The following CORO2B variants were observed in gnomAD, a reference collection of about 807,000 sequenced individuals.
The protein encoded by CORO2B is coronin 2B, also known as coronin-2B.
Under a neutral mutation model 58.8 loss-of-function variants are expected in CORO2B, and 26 were observed. That is an observed-to-expected ratio of 0.44 (90% CI 0.32 to 0.61). CORO2B has a LOEUF of 0.61. Ranked by LOEUF, CORO2B falls within the 20% of genes least tolerant of loss-of-function variation. The pLI, the probability that CORO2B is intolerant of heterozygous loss-of-function variation, is 0.04. For missense variants in CORO2B, 460 were observed against 645.1 expected (o/e 0.71, Z 3.11); for synonymous variants, 242 against 253.8 (o/e 0.95, Z 0.44).
intron 1 of CORO2B, among the ~76,000 whole-genome samples, chr15:68,583,554 G>A (rs1009821322): frequency 2.6e-5 from 4 of 152,166 alleles, no homozygotes; most frequent in African/African-American, 9.7e-5. Flanking sequence ...TCCCTCTGTG[G>A]GACACCATCT....
At chr15:68,607,991 G>T (rs944550475) in intron 1 of CORO2B, among the ~76,000 whole-genome samples, 5 of 152,230 alleles carry the variant, frequency 3.3e-5, no homozygotes, top group Non-Finnish European at 5.9e-5. Flanking sequence ...CAGGGCCTTG[G>T]GAGTGAATGG....
chr15:68,683,424 G>A (rs965634802), intron 2 of CORO2B, among the ~76,000 whole-genome samples: 7 of 152,190 alleles, frequency 4.6e-5, no homozygotes, highest in Admixed American at 1.3e-4. Context: ...TGACAGCCTC[G>A]AGATGGTGCA....
In CORO2B at chr15:68,579,118, C is replaced by G; in HGVS notation, c.-145C>G. 1 of 982,344 alleles carries G rather than the reference C, an allele frequency of 1.0e-6. No homozygotes were observed. Among genetic ancestry groups the G allele is most frequent in the Non-Finnish European group, 1.2e-6 (1 of 828,714 alleles). The allele number at this position is 982,344 out of a possible 1,614,324, so 60.9% of individuals were successfully genotyped here. On this transcript the variant is annotated 5_prime_UTR_variant, in exon 1 of 12. Transcript: ENST00000261861. ...GTCCCTGCGCGCTGCCCGCCCGGAG[C>G]GCAGCCCCCAGGCTCGGCCGAGCCG... is the stretch of plus-strand genomic sequence containing the variant.
chr15:68,588,812 G>A (rs1472701856), intron 1 of CORO2B, among the ~76,000 whole-genome samples: 2 of 150,902 alleles, frequency 1.3e-5, no homozygotes, highest in African/African-American at 4.9e-5. Flanking sequence ...TGGTGGAAGG[G>A]GACAAAGGGA....
chr15:68,610,207 A>G (rs1300029781), intron 1 of CORO2B, among the ~76,000 whole-genome samples: 1 of 152,120 alleles, frequency 6.6e-6, no homozygotes, highest in African/African-American at 2.4e-5. Context: ...AGCCCTCACT[A>G]AATGTCAATG....
intron 1 of CORO2B, among the ~76,000 whole-genome samples, chr15:68,633,800 C>G (rs750193586): frequency 2.0e-5 from 3 of 152,224 alleles, no homozygotes; most frequent in Non-Finnish European, 4.4e-5. Flanking sequence ...CTCTTCCATG[C>G]CATCCCCTGG....
chr15:68,538,097 T>C, the CORO2B span, among the ~76,000 whole-genome samples: 1 of 152,234 alleles, frequency 6.6e-6, no homozygotes, highest in Non-Finnish European at 1.5e-5. Context: ...ATATATAATT[T>C]TGTTTTTTTC....
In CORO2B at chr15:68,711,599, G is replaced by A. The variant is rs1187072658; in HGVS notation, c.541G>A (p.Asp181Asn). ...GGTGAAGATGATTGACTGCCACACG[G>A]ATGTGATCCTCTGCATGTCCTTCAA... ...EPVKMIDCHT[D>N]VILCMSFNTD... Residue 181 changes from aspartate to asparagine, a missense_variant, in exon 5 of 12, where the codon GAT (aspartate) becomes AAT (asparagine). By Grantham distance (23) the Asp-to-Asn change is conservative. Transcript: ENST00000261861. The A allele has an allele frequency of 6.2e-7, 1 of 1,613,986 alleles. No homozygotes were observed. Among genetic ancestry groups the A allele is most frequent in the East Asian group, 2.2e-5 (1 of 44,900 alleles).
chr15:68,632,763 T>G (rs1297455783), intron 1 of CORO2B, among the ~76,000 whole-genome samples: 4 of 152,148 alleles, frequency 2.6e-5, no homozygotes, highest in Non-Finnish European at 5.9e-5. Flanking sequence ...GCTAATTTTT[T>G]GTATTTTTAG....
At chr15:68,658,542 C>T (rs1482299525) in intron 2 of CORO2B, among the ~76,000 whole-genome samples, 2 of 152,370 alleles carry the variant, frequency 1.3e-5, no homozygotes, top group South Asian at 2.1e-4. Context: ...TTTGCACCCA[C>T]TCCCCACTTT....
At chr15:68,625,605 CT>C (rs1900654671) in intron 1 of CORO2B, among the ~76,000 whole-genome samples, 2 of 151,978 alleles carry the variant, frequency 1.3e-5, no homozygotes, top group Non-Finnish European at 2.9e-5. Flanking sequence ...TTTGTTGTTT[CT>C]TGTTTTGGGT....
At chr15:68,562,564 A>G in the CORO2B span, among the ~76,000 whole-genome samples, 1 of 152,242 alleles carries the variant, frequency 6.6e-6, no homozygotes, top group Non-Finnish European at 1.5e-5. Flanking sequence ...AGGAACCCCA[A>G]GTATTGCAGT....
the CORO2B span, among the ~76,000 whole-genome samples, chr15:68,551,227 C>T: frequency 3.3e-5 from 5 of 151,998 alleles, no homozygotes; most frequent in South Asian, 2.1e-4. Context: ...TCACAGGGCA[C>T]GGAGCCAGGA....
chr15:68,582,293 C>T (rs1321631732), intron 1 of CORO2B, among the ~76,000 whole-genome samples: 2 of 152,146 alleles, frequency 1.3e-5, no homozygotes, highest in African/African-American at 2.4e-5. Context: ...AGTAAGTTAC[C>T]TTACTTTCTT....
At chr15:68,619,793 G>C (rs1900467835) in intron 1 of CORO2B, among the ~76,000 whole-genome samples, 1 of 152,114 alleles carries the variant, frequency 6.6e-6, no homozygotes, top group Non-Finnish European at 1.5e-5. Flanking sequence ...AGCAAACTCA[G>C]TGTGAATAGT....
the CORO2B span, among the ~76,000 whole-genome samples, chr15:68,570,264 C>A: frequency 6.6e-6 from 1 of 152,158 alleles, no homozygotes. Context: ...TTCATGGGAT[C>A]CTCGGAAGGA....
At chr15:68,574,863 C>T (rs1395138677), upstream of CORO2B, among the ~76,000 whole-genome samples, 2 of 152,298 alleles carry the variant, frequency 1.3e-5, no homozygotes, top group African/African-American at 4.8e-5. Context: ...AGGAGTTCGC[C>T]ATGCTGAGAA....
At chr15:68,520,308 T>C in the CORO2B span, among the ~76,000 whole-genome samples, 1 of 152,242 alleles carries the variant, frequency 6.6e-6, no homozygotes, top group African/African-American at 2.4e-5. Context: ...ATTGTTCAGA[T>C]CTATATCCTT....
chr15:68,726,093 G>C lies in CORO2B; in HGVS notation c.*119G>C. On this transcript the variant is annotated 3_prime_UTR_variant, in exon 12 of 12. Coordinates refer to ENST00000261861, the MANE Select transcript of CORO2B (RefSeq NM_006091.5). ...GGACAGGAGTGGGGGCCAGCCTGAG[G>C]ACCCCCGCCTACCACCTCGAGAACT... 1 of 1,344,266 alleles carries C rather than the reference G, an allele frequency of 7.4e-7. No homozygotes were observed. 83.3% of individuals were successfully genotyped at this position (1,344,266 alleles called of 1,614,324 possible).
Sources: gnomAD v4.1 joint callset for allele counts (sites outside exome capture counted in the v4.1 genomes callset) on GRCh38, gnomAD v4.1.1 for gene constraint, MANE v1.5 for transcripts, NCBI Gene and HGNC (gene_info 2026-07-23, HGNC 2026-07-21) for gene names.